The following KIF15 variants were observed in gnomAD, a reference collection of about 807,000 sequenced individuals.
KIF15 encodes kinesin family member 15, also known as kinesin-like protein KIF15.
KIF15 carries 140 observed loss-of-function variants against 190.6 expected under a neutral mutation model. The ratio of observed to expected loss-of-function variants is 0.73; its 90% confidence interval spans 0.64 to 0.84. The LOEUF (loss-of-function observed/expected upper bound fraction) is 0.84. Ranked by LOEUF, KIF15 falls within the 40% of genes least tolerant of loss-of-function variation. The pLI is 0.00. For missense variants in KIF15, 1,372 were observed against 1,584.4 expected (o/e 0.87, Z 2.28); for synonymous variants, 528 against 551.3 (o/e 0.96, Z 0.59).
At chr3:44,822,201 TG>T (rs1276788493) in intron 20 of KIF15, among the ~76,000 whole-genome samples, 12 of 152,224 alleles carry the variant, frequency 7.9e-5, no homozygotes, top group Non-Finnish European at 1.5e-4. Context: ...TCAGGCCTGA[TG>T]GTGACAAAAT....
At chr3:44,821,348 A>C (rs1708288726) in intron 20 of KIF15, among the ~76,000 whole-genome samples, 1 of 146,924 alleles carries the variant, frequency 6.8e-6, no homozygotes. Flanking sequence ...CGGGGCGGTG[A>C]CGCTCCTCAC....
At chr3:44,830,130 T>G in intron 25 of KIF15, 55 bp downstream of exon 25, 1 of 876,020 alleles carries the variant, frequency 1.1e-6, no homozygotes, top group Non-Finnish European at 1.7e-6. Flanking sequence ...CTTCACAGAC[T>G]TTTCAAGAGT....
chr3:44,762,172 C>T (rs887546731), intron 1 of KIF15, among the ~76,000 whole-genome samples: 3 of 152,208 alleles, frequency 2.0e-5, no homozygotes, highest in Non-Finnish European at 4.4e-5. Context: ...TCCCTTGGTT[C>T]TGCTGTTTCT....
Position 44,801,668 on chromosome 3 carries a change from A to T in KIF15, c.1300-97A>T, listed in dbSNP as rs146976963. 4.4e-5 allele frequency: 43 copies of T among 972,318 alleles called. No individual in the cohort carries two copies. In the African/African-American group the frequency reaches 6.1e-4, roughly 14 times the overall value. 60.2% of individuals were successfully genotyped at this position (972,318 alleles called of 1,614,324 possible). ...TATGAAAAATCAAATTTTGCCTTTA[A>T]GATTAAATATGAAATTAGTATTTGT... On this transcript the variant is annotated intron_variant, in intron 12 of 34. Coordinates refer to ENST00000326047, the MANE Select transcript of KIF15 (RefSeq NM_020242.3).
In KIF15 at chr3:44,775,447, A is replaced by G; in HGVS notation, c.246+10A>G. 3.2e-6 allele frequency: 5 copies of G among 1,566,328 alleles called. No individual in the cohort carries two copies. The highest frequency in any genetic ancestry group is 4.3e-6 in the Non-Finnish European group (5 of 1,158,392). ...TGTGGATACCACTCAGGTAATGATAATTAGAAACTTAACTTTTTTTTTTTT... is the reference window on the plus strand; with the variant it reads ...TGTGGATACCACTCAGGTAATGATAGTTAGAAACTTAACTTTTTTTTTTTT... On this transcript the variant is annotated intron_variant, in intron 3 of 34. Coordinates refer to ENST00000326047, the MANE Select transcript of KIF15 (RefSeq NM_020242.3).
In KIF15 at chr3:44,812,373, C is replaced by T. The variant is rs1326554675; in HGVS notation, c.2277+84C>T. On this transcript the variant is annotated intron_variant, in intron 18 of 34. Transcript: ENST00000326047. ...GGAAACATCCTCAAGGATCCTCAAA[C>T]ATCCTTGAGTATGCATGAAACATAT... 4 of 939,450 alleles carry T rather than the reference C, an allele frequency of 4.3e-6. No homozygotes were observed. The African/African-American group carries it at 6.6e-5, about 16-fold the overall frequency. 58.2% of individuals were successfully genotyped at this position (939,450 alleles called of 1,614,324 possible).
chr3:44,767,894 C>CAAAA (rs1181321859), intron 1 of KIF15, among the ~76,000 whole-genome samples: 3 of 37,122 alleles, frequency 8.1e-5, no homozygotes, highest in Admixed American at 2.5e-4. Flanking sequence ...GACTCCATCT[C>CAAAA]AAAAAAAAAA....
intron 13 of KIF15, 58 bp from the exon 14 acceptor site, chr3:44,802,756 T>TA: frequency 2.8e-6 from 4 of 1,451,548 alleles, no homozygotes; most frequent in Non-Finnish European, 3.7e-6. Flanking sequence ...TTAGAGGAAC[T>TA]AATTCACTAA....
rs1211705096 is a variant in KIF15 at position 44,774,435 on chromosome 3, A to G, written c.60A>G (p.Pro20=). Residue 20 remains proline, a splice_region_variant and synonymous_variant, in exon 2 of 35, where the codon CCA becomes CCG. Transcript: ENST00000326047. ...TGACAAATGGTCAGTCTAACCAACC[A>G]AGGTAAGGAGAAAAATATTCTCAAT... is the stretch of plus-strand genomic sequence containing the variant. ...RSVTNGQSNQ[P]SNEGDAIKVF... 5.6e-6 allele frequency: 9 copies of G among 1,612,712 alleles called. No homozygotes were observed. The highest frequency in any genetic ancestry group is 7.6e-6 in the Non-Finnish European group (9 of 1,179,134).
intron 23 of KIF15, 95 bp from the exon 24 acceptor site, chr3:44,828,119 A>G (rs1697775624): frequency 4.9e-6 from 4 of 821,672 alleles, no homozygotes; most frequent in Admixed American, 2.1e-5. Context: ...CATAGACTCT[A>G]TAATATGAAA....
At chr3:44,833,891 A>G (rs543103678) in intron 26 of KIF15, among the ~76,000 whole-genome samples, 4 of 152,346 alleles carry the variant, frequency 2.6e-5, no homozygotes, top group African/African-American at 7.2e-5. Context: ...GGTCCCCTAC[A>G]AAGTATAAGA....
At chr3:44,814,242 A>G (rs995015289) in intron 19 of KIF15, among the ~76,000 whole-genome samples, 3 of 152,204 alleles carry the variant, frequency 2.0e-5, no homozygotes, top group Admixed American at 6.5e-5. Context: ...GGGATTTTCA[A>G]TAACTAAGAT....
At chr3:44,834,514 C>A (rs941157400) in intron 26 of KIF15, among the ~76,000 whole-genome samples, 4 of 152,094 alleles carry the variant, frequency 2.6e-5, no homozygotes, top group African/African-American at 9.7e-5. Context: ...CTAAAAAATT[C>A]TATTCACAAA....
At chr3:44,821,531 C>T (rs76231464) in intron 20 of KIF15, among the ~76,000 whole-genome samples, 1 of 151,598 alleles carries the variant, frequency 6.6e-6, no homozygotes, top group Admixed American at 6.6e-5. Flanking sequence ...CGATGAGTGG[C>T]CGGGCAGAGA....
chr3:44,841,148 T>C lies in KIF15; in HGVS notation c.3495T>C (p.Asp1165=). 2 of 1,613,354 alleles carry C rather than the reference T, an allele frequency of 1.2e-6. No homozygotes were observed. The highest frequency in any genetic ancestry group is 1.6e-4 in the Middle Eastern group (1 of 6,062). Residue 1165 remains aspartate, a synonymous_variant, in exon 29 of 35, where the codon GAT becomes GAC. Coordinates refer to ENST00000326047, the MANE Select transcript of KIF15 (RefSeq NM_020242.3). ...LLETQEQEIE[D]GRASKTSLEH... is the part of the protein sequence containing the mutation. ...AAACACAAGAACAAGAGATAGAAGA[T>C]GGAAGAGCCTCTAAGACTTCTTTGG... is the stretch of plus-strand genomic sequence containing the variant.
In KIF15 at chr3:44,846,791, A is replaced by T. The variant is rs531613257; in HGVS notation, c.3696-1194A>T. Among the ~76,000 whole-genome samples the T allele has an allele frequency of 3.7e-3, 553 of 151,462 alleles. 6 individuals are homozygous for T. The highest frequency in any genetic ancestry group is 0.013 in the African/African-American group (534 of 41,084). ...TGTCTCAAAAAAAAAAAAAAAAAAA[A>T]AGTTTTTCATTTCATAGCCTCACAT... On this transcript the variant is annotated intron_variant, in intron 30 of 34. Coordinates refer to ENST00000326047, the MANE Select transcript of KIF15 (RefSeq NM_020242.3).
chr3:44,817,415 G>A (rs1237431867), intron 20 of KIF15, among the ~76,000 whole-genome samples: 2 of 152,226 alleles, frequency 1.3e-5, no homozygotes, highest in East Asian at 3.9e-4. Context: ...ATTAATTTTT[G>A]TATAAAGTGT....
chr3:44,788,825 A>G (rs1294044374), intron 7 of KIF15, among the ~76,000 whole-genome samples: 6 of 152,202 alleles, frequency 3.9e-5, no homozygotes, highest in African/African-American at 1.4e-4. Context: ...TATTCTTAGA[A>G]TACATAGTAG....
At chr3:44,847,936 C>A in intron 30 of KIF15, 49 bp from the exon 31 acceptor site, 1 of 1,272,666 alleles carries the variant, frequency 7.9e-7, no homozygotes, top group Non-Finnish European at 1.1e-6. Context: ...CTTGAATATA[C>A]TTAGCAGTGT....
Sources: allele counts gnomAD v4.1 joint callset (sites outside exome capture counted in the v4.1 genomes callset), GRCh38; gene constraint gnomAD v4.1.1; transcripts MANE v1.5; gene names NCBI Gene and HGNC (gene_info 2026-07-23, HGNC 2026-07-21).